Variants in CTSB observed in about 807,000 individuals in gnomAD.
CTSB encodes cathepsin B, also known as APP secretase.
Under a neutral mutation model 44.3 loss-of-function variants are expected in CTSB, and 57 were observed. The ratio of observed to expected loss-of-function variants is 1.29; its 90% CI spans 1.04 to 1.60. The LOEUF is 1.60. Among genes scored for constraint, CTSB ranks in the 40% most tolerant of loss-of-function variants. The pLI, the probability that CTSB is intolerant of heterozygous loss-of-function variation, is 0.00. For missense variants in CTSB, 768 were observed against 443.0 expected (o/e 1.73, Z -6.59); for synonymous variants, 320 against 168.0 (o/e 1.91, Z -7.00).
chr8:11,863,522 G>A (rs1328829777), intron 1 of CTSB, among the ~76,000 whole-genome samples: 1 of 152,024 alleles, frequency 6.6e-6, no homozygotes, highest in Non-Finnish European at 1.5e-5. Flanking sequence ...CAGGAAAAGT[G>A]TCACTCAACC....
At chr8:11,861,062 G>A (rs1010555108) in intron 1 of CTSB, among the ~76,000 whole-genome samples, 2 of 152,278 alleles carry the variant, frequency 1.3e-5, no homozygotes, top group South Asian at 2.1e-4. Context: ...GATGTGTTAC[G>A]TCTTTGCCCC....
At chr8:11,848,254 C>G in intron 5 of CTSB, 102 bp from the exon 6 acceptor site, 2 of 993,502 alleles carry the variant, frequency 2.0e-6, no homozygotes, top group East Asian at 2.4e-5. Flanking sequence ...TGGACCCACC[C>G]CCAGCTGCAG....
chr8:11,844,871 T>C lies in CTSB; in HGVS notation c.*254A>G. The C allele has an allele frequency of 2.1e-6, 1 of 465,672 alleles. No homozygotes were observed. Among genetic ancestry groups the C allele is most frequent in the Non-Finnish European group, 3.9e-6 (1 of 258,738 alleles). The allele number at this position is 465,672 out of a possible 1,614,324, so 28.8% of individuals were successfully genotyped here. A position where few individuals can be genotyped will look rare whatever the true frequency, so the allele number is the denominator to read the frequency against. On this transcript the variant is annotated 3_prime_UTR_variant, in exon 10 of 10. Transcript: ENST00000353047. ...GGCCACAGTCAGCTGGGGCAGCAGG[T>C]ACTCCCTACGGCACTAGTCTACAGG...
Position 11,847,717 on chromosome 8 carries a change from G to A in CTSB, c.638C>T (p.Pro213Leu). 11 of 1,593,858 alleles carry A rather than the reference G, an allele frequency of 6.9e-6. No individual in the cohort carries two copies. Among genetic ancestry groups the A allele is most frequent in the South Asian group, 2.3e-5 (2 of 88,248 alleles). ...DTPKCSKICE[P>L]GYSPTYKQDK... ...CTGTTTGTAGGTCGGGCTGTAGCCA[G>A]GCTCACAGATCTTGCTACACTTGGG... The change falls in exon 7 of 10, where the codon CCT becomes CTT. Residue 213 changes from proline to leucine, a missense_variant. Physicochemically the swap from Pro to Leu is moderately conservative, Grantham distance 98. Transcript: ENST00000353047.
intron 1 of CTSB, chr8:11,865,441 T>C (rs1470691023): frequency 6.6e-6 from 1 of 151,986 alleles, no homozygotes; most frequent in African/African-American, 2.4e-5. Flanking sequence ...ATAAAAAAAT[T>C]AGCTGAGTGT....
chr8:11,861,158 C>T (rs1482139572), intron 1 of CTSB, among the ~76,000 whole-genome samples: 3 of 152,240 alleles, frequency 2.0e-5, no homozygotes, highest in East Asian at 3.8e-4. Flanking sequence ...GCCTCGGTCT[C>T]ATCAGTCCCC....
chr8:11,857,048 G>T (rs145147919), intron 1 of CTSB, among the ~76,000 whole-genome samples: 2 of 152,104 alleles, frequency 1.3e-5, no homozygotes, highest in African/African-American at 4.8e-5. Context: ...TTTGAGATGG[G>T]AGTCTCGCTC....
intron 9 of CTSB, among the ~76,000 whole-genome samples, 157 bp downstream of exon 9, chr8:11,845,504 G>T (rs1234479957): frequency 6.6e-6 from 1 of 152,210 alleles, no homozygotes; most frequent in South Asian, 2.1e-4. Context: ...CACAGCAAAA[G>T]GGAACTCCTG....
intron 4 of CTSB, chr8:11,850,021 A>G (rs62495696): frequency 0.36 from 55,180 of 152,292 alleles, 10,042 homozygotes; most frequent in East Asian, 0.51. Flanking sequence ...ATTGGTGTTA[A>G]TGGGGACAGA....
chr8:11,857,537 C>T (rs192305788), intron 1 of CTSB, among the ~76,000 whole-genome samples: 4 of 152,248 alleles, frequency 2.6e-5, no homozygotes, highest in Admixed American at 6.5e-5. Context: ...GTTTCCATGG[C>T]AACTTGAATT....
intron 1 of CTSB, among the ~76,000 whole-genome samples, chr8:11,864,903 A>ACG (rs1554555457): frequency 6.7e-6 from 1 of 150,354 alleles, no homozygotes; most frequent in East Asian, 2.0e-4. Flanking sequence ...ACAGAGTGAA[A>ACG]CTGTCTCAAA....
At position 11,847,167 on chromosome 8, in the gene CTSB, T is replaced by G. The variant is rs755196993; in HGVS notation, c.678A>C (p.Gly226=). Residue 226 remains glycine, a splice_region_variant and synonymous_variant, in exon 8 of 10, where the codon GGA becomes GGC. Transcript: ENST00000353047. The part of the protein sequence containing the change: ...SPTYKQDKHY[G]YNSYSVSNSE... Reference sequence around the variant, plus strand: ...TATTGGAGACGCTGTAGGAATTGTATCCTGGAAAATGAACCGAGCTCGGGG... The same window carrying G: ...TATTGGAGACGCTGTAGGAATTGTAGCCTGGAAAATGAACCGAGCTCGGGG... 2.5e-6 allele frequency: 4 copies of G among 1,601,726 alleles called. No individual in the cohort carries two copies. In the African/African-American group the frequency reaches 4.0e-5, roughly 16 times the overall value.
At chr8:11,867,117 G>A (rs7826216) in intron 1 of CTSB, 5,563 of 151,980 alleles carry the variant, frequency 0.037, 330 homozygotes, top group African/African-American at 0.13. Flanking sequence ...TGGGAAGGGG[G>A]TGACAGAGGC....
Position 11,845,678 on chromosome 8 carries a change from G to C in CTSB, c.905C>G (p.Thr302Ser), listed in dbSNP as rs747066753. ...PYWLVANSWN[T>S]DWGDNGFFKI... ...CCACTCACCATTGTCACCCCAGTCA[G>C]TGTTCCAGGAGTTGGCAACCAGCCA... The change falls in exon 9 of 10, where the codon ACT becomes AGT. Residue 302 changes from threonine to serine, a missense_variant. Physicochemically the swap from Thr to Ser is moderately conservative, Grantham distance 58. Transcript: ENST00000353047. The C allele has an allele frequency of 4.3e-6, 7 of 1,613,680 alleles. No homozygotes were observed. Among genetic ancestry groups the C allele is most frequent in the South Asian group, 1.1e-5 (1 of 91,056 alleles).
intron 1 of CTSB, among the ~76,000 whole-genome samples, chr8:11,861,015 CTTTT>C (rs1816328095): frequency 6.6e-6 from 1 of 152,352 alleles, no homozygotes; most frequent in East Asian, 1.9e-4. Flanking sequence ...GAGACCTTTC[CTTTT>C]TGAGTATGAA....
chr8:11,853,018 G>A (rs541982921), intron 2 of CTSB, among the ~76,000 whole-genome samples: 1 of 152,318 alleles, frequency 6.6e-6, no homozygotes, highest in African/African-American at 2.4e-5. Context: ...CTGCCACTGT[G>A]CCACGGCGGG....
At chr8:11,856,817 TG>T (rs1313607625) in intron 1 of CTSB, among the ~76,000 whole-genome samples, 3 of 150,408 alleles carry the variant, frequency 2.0e-5, no homozygotes, top group African/African-American at 7.4e-5. Context: ...GTCACTACGG[TG>T]GGGAGACTTT....
chr8:11,847,960 G>A (rs1813757779), intron 6 of CTSB, 107 bp downstream of exon 6: 7 of 1,329,266 alleles, frequency 5.3e-6, no homozygotes, highest in African/African-American at 4.4e-5. Flanking sequence ...GCACCTCTCA[G>A]CAGCCCCTCT....
intron 1 of CTSB, among the ~76,000 whole-genome samples, chr8:11,866,515 C>T (rs1286964022): frequency 6.6e-6 from 1 of 152,246 alleles, no homozygotes; most frequent in African/African-American, 2.4e-5. Flanking sequence ...GAAAGCTACA[C>T]AGGGTGGGCG....
Sources: allele counts gnomAD v4.1 joint callset (sites outside exome capture counted in the v4.1 genomes callset), GRCh38; gene constraint gnomAD v4.1.1; transcripts MANE v1.5; gene names NCBI Gene and HGNC (gene_info 2026-07-23, HGNC 2026-07-21).